LRP1: variants seen among roughly 807,000 people sequenced by gnomAD.
The protein encoded by LRP1 is prolow-density lipoprotein receptor-related protein 1.
LRP1 carries 51 observed loss-of-function variants against 541.5 expected under a neutral mutation model. That is an observed-to-expected ratio of 0.09 (90% CI 0.08 to 0.12). LRP1 has a LOEUF of 0.12. Among genes scored for constraint, LRP1 ranks in the 10% least tolerant of loss-of-function variants. The pLI is 1.00. For synonymous variants in LRP1, 2,219 were observed against 2,470.8 expected, an observed-to-expected ratio of 0.90 and a Z score of 3.02; for missense variants, 3,878 against 6,376.2, an observed-to-expected ratio of 0.61 and a Z score of 13.34.
At chr12:57,182,033 G>A (rs569220682) in intron 34 of LRP1, among the ~76,000 whole-genome samples, 11 of 152,268 alleles carry the variant, frequency 7.2e-5, no homozygotes, top group African/African-American at 1.9e-4. Context: ...CCTTGAATAT[G>A]TTTATGTGTG....
At position 57,211,316 on chromosome 12, in the gene LRP1, G is replaced by A; in HGVS notation, c.13057G>A (p.Val4353Met). Residue 4353 changes from valine (V) to methionine (M), a missense_variant, in exon 84 of 89, where the codon GTG (valine) becomes ATG (methionine). Val to Met is a conservative substitution (Grantham distance 21). Coordinates refer to ENST00000243077, the MANE Select transcript of LRP1 (RefSeq NM_002332.3). This position sits in a 1 kb window ranked among gnomAD's most constrained non-coding sequence, Gnocchi z 4.3. Reference sequence around the variant, plus strand: ...CAGCCGCTGTCTCGAAGGGGCCTGTGTGGTCAACAAGCAGAGTGGGGATGT... The same window carrying A: ...CAGCCGCTGTCTCGAAGGGGCCTGTATGGTCAACAAGCAGAGTGGGGATGT... ...KCSRCLEGAC[V>M]VNKQSGDVTC... 2 of 1,614,164 alleles carry A rather than the reference G, an allele frequency of 1.2e-6. No homozygotes were observed. The highest frequency in any genetic ancestry group is 1.7e-6 in the Non-Finnish European group (2 of 1,180,030).
At position 57,154,112 on chromosome 12, in the gene LRP1, G is replaced by A; in HGVS notation, c.842-96G>A. 1 of 1,174,234 alleles carries A rather than the reference G, an allele frequency of 8.5e-7. No homozygotes were observed. Among genetic ancestry groups the A allele is most frequent in the Non-Finnish European group, 1.2e-6 (1 of 803,804 alleles). The allele number at this position is 1,174,234 out of a possible 1,614,324, so 72.7% of individuals were successfully genotyped here. Reference sequence around the variant, plus strand: ...GTTGGGTGGGAGGGCGTCCAGAGAAGGTGGGCTTCCAGGTGTGGGTTCTCA... The same window carrying A: ...GTTGGGTGGGAGGGCGTCCAGAGAAAGTGGGCTTCCAGGTGTGGGTTCTCA... On this transcript the variant is annotated intron_variant, in intron 6 of 88. Transcript: ENST00000243077. The surrounding 1 kb of genome is among the most constrained non-coding windows in gnomAD (Gnocchi z 4.6).
rs373304697 is a variant in LRP1 at position 57,179,985 on chromosome 12, A to C, written c.5141+29A>C. On this transcript the variant is annotated intron_variant, in intron 30 of 88. Transcript: ENST00000243077. The surrounding 1 kb of genome is among the most constrained non-coding windows in gnomAD (Gnocchi z 6.8). Reference sequence around the variant, plus strand: ...AGTCTAGGGCCCAGGGCCGGGGAGCATGGGGTGTGGGGCTGGGAAGAAGAG... The same window carrying C: ...AGTCTAGGGCCCAGGGCCGGGGAGCCTGGGGTGTGGGGCTGGGAAGAAGAG... 3 of 1,613,860 alleles carry C rather than the reference A, an allele frequency of 1.9e-6. No homozygotes were observed. Among genetic ancestry groups the C allele is most frequent in the Non-Finnish European group, 2.5e-6 (3 of 1,179,898 alleles).
chr12:57,200,089 C>A, intron 62 of LRP1, 64 bp downstream of exon 62: 2 of 1,391,276 alleles, frequency 1.4e-6, no homozygotes, highest in Non-Finnish European at 2.0e-6. Flanking sequence ...CCTCCTTGGA[C>A]CCCAACACCT....
Position 57,173,460 on chromosome 12 carries a change from T to C in LRP1, c.3346+110T>C, listed in dbSNP as rs1325281197. ...GATGGCACTGTGCTGTGTGGAGTGG[T>C]GCTGGGGACAGTGCAAGGCAAAAGG... On this transcript the variant is annotated intron_variant, in intron 21 of 88. Coordinates refer to ENST00000243077, the MANE Select transcript of LRP1 (RefSeq NM_002332.3). The surrounding 1 kb of genome is among the most constrained non-coding windows in gnomAD (Gnocchi z 4.7). 2.4e-6 allele frequency: 3 copies of C among 1,242,522 alleles called. No individual in the cohort carries two copies. In the African/African-American group the frequency reaches 4.5e-5, roughly 19 times the overall value. 77.0% of individuals were successfully genotyped at this position (1,242,522 alleles called of 1,614,324 possible).
At chr12:57,194,283 G>A in intron 48 of LRP1, 71 bp from the exon 49 acceptor site, 1 of 1,481,454 alleles carries the variant, frequency 6.8e-7, no homozygotes, top group Non-Finnish European at 9.0e-7. Flanking sequence ...GGCTCCATAG[G>A]GCTGGCAGCT....
chr12:57,152,044 G>A (rs181102049), intron 6 of LRP1, among the ~76,000 whole-genome samples: 2 of 152,232 alleles, frequency 1.3e-5, no homozygotes, highest in South Asian at 2.1e-4. Context: ...AAGGGAGACC[G>A]GCCAAGGGTA....
chr12:57,208,605 C>A, intron 77 of LRP1, 106 bp from the exon 78 acceptor site: 1 of 679,900 alleles, frequency 1.5e-6, no homozygotes, highest in Non-Finnish European at 2.6e-6. Flanking sequence ...GCCCTCCTCC[C>A]AGTCCCCAGC....
Position 57,208,744 on chromosome 12 carries a change from C to G in LRP1, c.12072C>G (p.Pro4024=). 6.2e-7 allele frequency: 1 copy of G among 1,614,002 alleles called. No homozygotes were observed. Among genetic ancestry groups the G allele is most frequent in the South Asian group, 1.1e-5 (1 of 91,080 alleles). Residue 4024 remains proline, a synonymous_variant, in exon 78 of 89, where the codon CCC becomes CCG. Coordinates refer to ENST00000243077, the MANE Select transcript of LRP1 (RefSeq NM_002332.3). ...TMYWSDWGNH[P]KIETAAMDGT... ...ACTGGTCAGACTGGGGCAACCACCCCAAGATTGAGACGGCAGCGATGGATG... is the reference window on the plus strand; with the variant it reads ...ACTGGTCAGACTGGGGCAACCACCCGAAGATTGAGACGGCAGCGATGGATG...
chr12:57,171,619 GTGA>G (rs2035945402), intron 20 of LRP1, among the ~76,000 whole-genome samples: 3 of 152,148 alleles, frequency 2.0e-5, no homozygotes, highest in Non-Finnish European at 2.9e-5. Context: ...GATGTAGGAG[GTGA>G]TTTCGGAACA....
Position 57,180,843 on chromosome 12 carries a change from G to T in LRP1, c.5527+36G>T, listed in dbSNP as rs2036150295. The T allele has an allele frequency of 3.1e-6, 5 of 1,609,626 alleles. No homozygotes were observed. The African/African-American group carries it at 4.0e-5, about 13-fold the overall frequency. The stretch of plus-strand genomic sequence containing the variant: ...GGCCGGGCGGCCGCTGGGGGCTCAG[G>T]GGCAACAGGGGAGCCGTCCAGAGCT... On this transcript the variant is annotated intron_variant, in intron 33 of 88. Transcript: ENST00000243077.
Position 57,183,633 on chromosome 12 carries a change from C to A in LRP1, c.5794+123C>A. Reference sequence around the variant, plus strand: ...GCCTGAGGTGGGGCACTTGCTACAGCTGCCACCCTGACTCCACCTCCCCTT... The same window carrying A: ...GCCTGAGGTGGGGCACTTGCTACAGATGCCACCCTGACTCCACCTCCCCTT... On this transcript the variant is annotated intron_variant, in intron 35 of 88. Transcript: ENST00000243077. The surrounding 1 kb of genome is among the most constrained non-coding windows in gnomAD (Gnocchi z 6.1). 1 of 1,479,928 alleles carries A rather than the reference C, an allele frequency of 6.8e-7. No homozygotes were observed. Among genetic ancestry groups the A allele is most frequent in the Non-Finnish European group, 9.1e-7 (1 of 1,096,086 alleles). The allele number at this position is 1,479,928 out of a possible 1,614,324, so 91.7% of individuals were successfully genotyped here.
chr12:57,175,387 C>T (rs2036022360), intron 22 of LRP1, 73 bp from the exon 23 acceptor site: 2 of 1,583,390 alleles, frequency 1.3e-6, no homozygotes, highest in South Asian at 2.2e-5. Flanking sequence ...GGACTTGGGG[C>T]CCAGCAGGGC....
chr12:57,178,770 G>C lies in LRP1; in HGVS notation c.4607-120G>C. ...AGGCACTGTCTAGCAGCAGAGAAGGGTCTAGTAGTAGCGGCTGCTGGAACA... is the reference window on the plus strand; with the variant it reads ...AGGCACTGTCTAGCAGCAGAGAAGGCTCTAGTAGTAGCGGCTGCTGGAACA... On this transcript the variant is annotated intron_variant, in intron 27 of 88. Transcript: ENST00000243077. This position sits in a 1 kb window ranked among gnomAD's most constrained non-coding sequence, Gnocchi z 5.8. The C allele has an allele frequency of 6.6e-7, 1 of 1,508,126 alleles. No individual in the cohort carries two copies. The highest frequency in any genetic ancestry group is 9.0e-7 in the Non-Finnish European group (1 of 1,116,474). The allele number at this position is 1,508,126 out of a possible 1,614,324, so 93.4% of individuals were successfully genotyped here.
rs1008507263 is a variant in LRP1 at position 57,177,951 on chromosome 12, T to C, written c.4361+360T>C. ...GGGAGGGTGCCTTTTTCTTTTCTTT[T>C]TTTTTTTTTTTTTTTGAGACAGAGT... On this transcript the variant is annotated intron_variant, in intron 26 of 88. Transcript: ENST00000243077. The surrounding 1 kb of genome is among the most constrained non-coding windows in gnomAD (Gnocchi z 6.8). Among the ~76,000 whole-genome samples the C allele has an allele frequency of 4.7e-5, 7 of 147,926 alleles. No individual in the cohort carries two copies. The highest frequency in any genetic ancestry group is 7.5e-5 in the Non-Finnish European group (5 of 66,664).
In LRP1 at chr12:57,195,359, C is replaced by G. The variant is rs747920082; in HGVS notation, c.8397C>G (p.Asp2799Glu). Reference protein sequence around the residue: ...PERWLCDGDKDCADGADESIA... With the variant: ...PERWLCDGDKECADGADESIA... ...GCTGGCTCTGTGACGGTGACAAAGA[C>G]TGTGCTGATGGTGCAGACGAGAGCA... Residue 2799 changes from aspartate (D) to glutamate (E), a missense_variant, in exon 52 of 89, where the codon GAC becomes GAG. Around this residue, in one of 13 missense-constraint regions of LRP1, gnomAD observed 1,100 missense variants for 1,827.4 expected, o/e 0.60. Transcript: ENST00000243077. 3 of 1,611,366 alleles carry G rather than the reference C, an allele frequency of 1.9e-6. No homozygotes were observed. The Middle Eastern group carries it at 4.9e-4, about 266-fold the overall frequency.
Position 57,204,954 on chromosome 12 carries a change from G to C in LRP1, c.11195-155G>C. 1 of 1,335,104 alleles carries C rather than the reference G, an allele frequency of 7.5e-7. No homozygotes were observed. The highest frequency in any genetic ancestry group is 1.0e-6 in the Non-Finnish European group (1 of 978,760). The allele number at this position is 1,335,104 out of a possible 1,614,324, so 82.7% of individuals were successfully genotyped here. ...GCTCTGGGGGCTGCCTGATGCCTTA[G>C]GTCTTGGAGGTGGGGCTGGGAACCC... On this transcript the variant is annotated intron_variant, in intron 72 of 88. Transcript: ENST00000243077. The surrounding 1 kb of genome is among the most constrained non-coding windows in gnomAD (Gnocchi z 5.3).
Position 57,141,501 on chromosome 12 carries a change from C to T in LRP1, c.318C>T (p.Pro106=), listed in dbSNP as rs1234129508. The change falls in exon 3 of 89, where the codon CCC becomes CCT. Residue 106 remains proline, a synonymous_variant. Coordinates refer to ENST00000243077, the MANE Select transcript of LRP1 (RefSeq NM_002332.3). ...QDCMDGSDEG[P]HCRELQGNCS... ...GCATGGACGGCTCAGATGAGGGGCC[C>T]CACTGCCGAGGTAAGGACTTTTCCA... is the stretch of plus-strand genomic sequence containing the variant. 2 of 1,614,208 alleles carry T rather than the reference C, an allele frequency of 1.2e-6. No homozygotes were observed. The highest frequency in any genetic ancestry group is 2.2e-5 in the South Asian group (2 of 91,080).
chr12:57,176,209 C>A (rs1394732926), intron 24 of LRP1, 103 bp downstream of exon 24: 37 of 1,105,982 alleles, frequency 3.3e-5, no homozygotes, highest in Non-Finnish European at 4.7e-5. Flanking sequence ...GGCTTGGCTC[C>A]CCCATCCCCC....
Sources: gnomAD v4.1 joint callset for allele counts (sites outside exome capture counted in the v4.1 genomes callset) on GRCh38, gnomAD v4.1.1 for gene constraint, gnomAD v4.1.1 regional missense constraint, Gnocchi (gnomAD v3.1) non-coding constraint, MANE v1.5 for transcripts, NCBI Gene and HGNC (gene_info 2026-07-23, HGNC 2026-07-21) for gene names.